Variants in CBFA2T2 observed in about 807,000 individuals in gnomAD.
CBFA2T2 encodes the protein CBFA2/RUNX1 partner transcriptional co-repressor 2.
Under a neutral mutation model 62.2 loss-of-function variants are expected in CBFA2T2, and 11 were observed. That is an observed-to-expected ratio of 0.18 (90% confidence interval 0.11 to 0.29). CBFA2T2 has a LOEUF of 0.29. Ranked by LOEUF, CBFA2T2 falls within the 10% of genes least tolerant of loss-of-function variation. CBFA2T2 has a pLI of 1.00. For missense variants in CBFA2T2, 592 were observed against 774.1 expected (o/e 0.76, Z 2.79); for synonymous variants, 295 against 287.5 (o/e 1.03, Z -0.27).
Position 33,624,999 on chromosome 20 carries a change from G to T in CBFA2T2, c.928G>T (p.Asp310Tyr), listed in dbSNP as rs1375575501. Residue 310 changes from aspartate (D) to tyrosine (Y), a missense_variant, in exon 6 of 11, where the codon GAT becomes TAT. By Grantham distance (160) the Asp-to-Tyr change is radical. Transcript: ENST00000342704. ...NKMLEHREVR[D>Y]RHHSLGLNGG... ...GATGCTAGAGCATCGAGAAGTTCGT[G>T]ATAGACACCACAGTCTTGGTAAGCA... The T allele has an allele frequency of 1.9e-6, 3 of 1,613,840 alleles. No individual in the cohort carries two copies. The highest frequency in any genetic ancestry group is 2.5e-6 in the Non-Finnish European group (3 of 1,179,892).
At chr20:33,545,294 C>T (rs2012522062) in intron 1 of CBFA2T2, among the ~76,000 whole-genome samples, 1 of 152,022 alleles carries the variant, frequency 6.6e-6, no homozygotes, top group African/African-American at 2.4e-5. Context: ...TTGAAAAATG[C>T]CACTAGATAA....
intron 4 of CBFA2T2, among the ~76,000 whole-genome samples, chr20:33,620,230 A>T (rs993416645): frequency 2.0e-5 from 3 of 152,094 alleles, no homozygotes; most frequent in African/African-American, 7.2e-5. Flanking sequence ...GCTTTTGGCC[A>T]GTCACGGTGG....
chr20:33,515,581 G>A (rs572363146), intron 1 of CBFA2T2, among the ~76,000 whole-genome samples: 19 of 151,504 alleles, frequency 1.3e-4, no homozygotes, highest in South Asian at 8.3e-4. Flanking sequence ...GAGGTGGGTG[G>A]GTCAGAGACC....
chr20:33,627,696 A>T (rs2122348730), intron 6 of CBFA2T2, among the ~76,000 whole-genome samples: 1 of 152,304 alleles, frequency 6.6e-6, no homozygotes, highest in African/African-American at 2.4e-5. Context: ...ATATACTGAA[A>T]TAAACAGATT....
rs1189579134 is a variant in CBFA2T2 at position 33,628,393 on chromosome 20, G to A, written c.990G>A (p.Leu330=). 1.9e-6 allele frequency: 3 copies of A among 1,613,196 alleles called. No homozygotes were observed. The highest frequency in any genetic ancestry group is 4.5e-5 in the East Asian group (2 of 44,886). ...AAGATGAGTTGGTAGATCATCGTTT[G>A]ACAGAAAGGGAATGGGCTGATGAAT... is the stretch of plus-strand genomic sequence containing the variant. ...GYQDELVDHR[L]TEREWADEWK... is the part of the protein sequence containing the mutation. The change falls in exon 7 of 11, where the codon TTG becomes TTA. Residue 330 remains leucine, a synonymous_variant. Transcript: ENST00000342704.
At chr20:33,585,179 A>G (rs1409412803) in intron 1 of CBFA2T2, among the ~76,000 whole-genome samples, 1 of 152,174 alleles carries the variant, frequency 6.6e-6, no homozygotes, top group East Asian at 1.9e-4. Flanking sequence ...AAAGACTAAC[A>G]TGTTAGGAAT....
intron 8 of CBFA2T2, among the ~76,000 whole-genome samples, chr20:33,630,755 C>T (rs1374481635): frequency 1.3e-5 from 2 of 152,132 alleles, no homozygotes; most frequent in East Asian, 3.8e-4. Context: ...ATGTTCACCA[C>T]GAAGAACAAG....
At chr20:33,497,643 G>A (rs555474108) in intron 1 of CBFA2T2, among the ~76,000 whole-genome samples, 81 of 147,638 alleles carry the variant, frequency 5.5e-4, no homozygotes, top group African/African-American at 1.4e-3. Context: ...TCTGCCTCCC[G>A]GGTTCCAGCG....
intron 1 of CBFA2T2, among the ~76,000 whole-genome samples, chr20:33,501,751 T>G (rs2011286803): frequency 6.9e-6 from 1 of 144,516 alleles, no homozygotes; most frequent in Non-Finnish European, 1.5e-5. Context: ...GTGATTCTCC[T>G]GCTGCAGCCT....
rs756204000 is a variant in CBFA2T2 at position 33,629,776 on chromosome 20, C to T, written c.1090C>T (p.Arg364Trp). ...AACAAGGCGCTCTATGGCAGTTCTG[C>T]GGCGCTGTCAGGAATCAGATCGTGA... ...EKTRRSMAVL[R>W]RCQESDREEL... is the part of the protein sequence containing the mutation. The change falls in exon 8 of 11, where the codon CGG becomes TGG. Residue 364 changes from arginine to tryptophan, a missense_variant. Coordinates refer to ENST00000342704, the MANE Select transcript of CBFA2T2 (RefSeq NM_001032999.3). 1.7e-5 allele frequency: 27 copies of T among 1,613,984 alleles called. No individual in the cohort carries two copies. The highest frequency in any genetic ancestry group is 2.1e-5 in the Non-Finnish European group (25 of 1,180,032).
chr20:33,536,968 A>T (rs1168947213), intron 1 of CBFA2T2, among the ~76,000 whole-genome samples: 1 of 140,466 alleles, frequency 7.1e-6, no homozygotes, highest in African/African-American at 2.7e-5. Context: ...CCTAGACGGG[A>T]TGGCGGCCGG....
intron 2 of CBFA2T2, 21 bp downstream of exon 2, chr20:33,607,120 A>G: frequency 6.2e-7 from 1 of 1,607,756 alleles, no homozygotes; most frequent in Admixed American, 1.7e-5. Flanking sequence ...TTAGTTACTT[A>G]TGTTTGTAGT....
chr20:33,640,572 A>C, intron 10 of CBFA2T2, 41 bp downstream of exon 10: 3 of 1,584,830 alleles, frequency 1.9e-6, no homozygotes, highest in Non-Finnish European at 2.6e-6. Flanking sequence ...GAGCAGCTGG[A>C]GTGACCACGC....
chr20:33,620,722 C>T (rs1050574743), intron 4 of CBFA2T2, among the ~76,000 whole-genome samples: 11 of 145,548 alleles, frequency 7.6e-5, no homozygotes, highest in Non-Finnish European at 1.4e-4. Flanking sequence ...CAGCTACTCA[C>T]GAGGCTGAGG....
chr20:33,592,374 T>TATA (rs375363639), intron 1 of CBFA2T2, among the ~76,000 whole-genome samples: 49 of 142,980 alleles, frequency 3.4e-4, no homozygotes, highest in Non-Finnish European at 5.9e-4. Flanking sequence ...AAAAAAAATT[T>TATA]TATATATATA....
chr20:33,503,727 G>T (rs761868410), intron 1 of CBFA2T2, among the ~76,000 whole-genome samples: 12 of 151,922 alleles, frequency 7.9e-5, no homozygotes, highest in Non-Finnish European at 1.8e-4. Flanking sequence ...TTACTATGTT[G>T]CCCCGGCTGG....
chr20:33,598,655 C>A (rs907877628), intron 1 of CBFA2T2, among the ~76,000 whole-genome samples: 1 of 152,080 alleles, frequency 6.6e-6, no homozygotes, highest in Non-Finnish European at 1.5e-5. Flanking sequence ...TCCTCCTCAG[C>A]TGACAGGATT....
chr20:33,586,902 T>G (rs2014392477), intron 1 of CBFA2T2, among the ~76,000 whole-genome samples: 1 of 152,212 alleles, frequency 6.6e-6, no homozygotes, highest in Non-Finnish European at 1.5e-5. Flanking sequence ...TAGAATTGTC[T>G]CTACCTAACT....
intron 1 of CBFA2T2, among the ~76,000 whole-genome samples, chr20:33,581,400 C>T (rs1305874093): frequency 6.6e-6 from 1 of 152,130 alleles, no homozygotes; most frequent in African/African-American, 2.4e-5. Flanking sequence ...AAAGATTACT[C>T]ATCTTTTAAA....
Sources: allele counts gnomAD v4.1 joint callset (sites outside exome capture counted in the v4.1 genomes callset), GRCh38; gene constraint gnomAD v4.1.1; transcripts MANE v1.5; gene names NCBI Gene and HGNC (gene_info 2026-07-23, HGNC 2026-07-21).